NAV3: variants seen among roughly 807,000 people sequenced by gnomAD.
NAV3 encodes the protein neuron navigator 3.
NAV3 carries 87 observed loss-of-function variants against 244.7 expected under a neutral mutation model. The observed-to-expected ratio is 0.36, with a 90% confidence interval of 0.30 to 0.42. NAV3 has a LOEUF of 0.42. NAV3 is among the 20% of genes least tolerant of loss of function. The pLI is 1.00. For missense variants in NAV3, 2,663 were observed against 2,893.3 expected, an observed-to-expected ratio of 0.92 and a Z score of 1.83; for synonymous variants, 1,126 against 1,042.2, an observed-to-expected ratio of 1.08 and a Z score of -1.55.
intron 2 of NAV3, among the ~76,000 whole-genome samples, chr12:77,642,254 C>A (rs185075472): frequency 6.6e-6 from 1 of 152,004 alleles, no homozygotes; most frequent in East Asian, 1.9e-4. Context: ...CTTTGTCTCC[C>A]AAGAGCTCAG....
chr12:77,957,557 G>C (rs1891479443), intron 3 of NAV3, among the ~76,000 whole-genome samples: 1 of 152,132 alleles, frequency 6.6e-6, no homozygotes, highest in Admixed American at 6.5e-5. Context: ...CTAAAAGGCT[G>C]GCTGTAATAA....
rs1208479072 is a variant in NAV3 at position 78,212,783 on chromosome 12, G to A, written c.*2266G>A. On this transcript the variant is annotated 3_prime_UTR_variant, in exon 40 of 40. Coordinates refer to ENST00000397909, the MANE Select transcript of NAV3 (RefSeq NM_001024383.2). Reference sequence around the variant, plus strand: ...TGTACATTTTGATGTAACATATCATGTAAATAGGCAGAAACAGTGAAATAA... The same window carrying A: ...TGTACATTTTGATGTAACATATCATATAAATAGGCAGAAACAGTGAAATAA... 1 of 152,616 alleles carries A rather than the reference G, an allele frequency of 6.6e-6. No homozygotes were observed. Among genetic ancestry groups the A allele is most frequent in the Non-Finnish European group, 1.5e-5 (1 of 68,030 alleles). 9.5% of individuals were successfully genotyped at this position (152,616 alleles called of 1,614,324 possible).
chr12:77,640,742 T>G (rs916547737), intron 2 of NAV3, among the ~76,000 whole-genome samples: 1 of 152,166 alleles, frequency 6.6e-6, no homozygotes, highest in Admixed American at 6.6e-5. Flanking sequence ...ATAGATATGC[T>G]AACTTATTTA....
At chr12:78,190,329 C>G (rs1206233374) in intron 34 of NAV3, 110 bp downstream of exon 34, 3 of 885,566 alleles carry the variant, frequency 3.4e-6, no homozygotes, top group Non-Finnish European at 5.1e-6. Flanking sequence ...AAAGAATATC[C>G]ATCTTTTTTT....
chr12:77,818,224 T>TCA lies in NAV3; in HGVS notation c.73-122092_73-122091dup, dbSNP rs568372420. 7.2e-5 allele frequency among the ~76,000 whole-genome samples: 11 copies of TCA among 152,248 alleles called. No homozygotes were observed. The South Asian group carries it at 2.3e-3, about 32-fold the overall frequency. On this transcript the variant is annotated intron_variant, in intron 2 of 8. Transcript: ENST00000550042. ...TTCCCTAAAGTTATTATCCTATAAATCACAAATATTTTATTTCATAAGAAT... is the reference window on the plus strand; with the variant it reads ...TTCCCTAAAGTTATTATCCTATAAATCACACAAATATTTTATTTCATAAGAAT...
chr12:78,168,133 G>A (rs983537612), intron 23 of NAV3, among the ~76,000 whole-genome samples: 24 of 151,586 alleles, frequency 1.6e-4, no homozygotes, highest in Admixed American at 1.5e-3. Flanking sequence ...TTGGCTTGGT[G>A]AGACTAGGTC....
At chr12:78,081,907 G>A (rs540722223) in intron 12 of NAV3, among the ~76,000 whole-genome samples, 3 of 152,092 alleles carry the variant, frequency 2.0e-5, no homozygotes, top group Non-Finnish European at 4.4e-5. Context: ...TCTTTTCCTG[G>A]ATGTTCTTTC....
At chr12:77,720,234 C>T (rs1348532776) in intron 2 of NAV3, among the ~76,000 whole-genome samples, 1 of 151,594 alleles carries the variant, frequency 6.6e-6, no homozygotes, top group East Asian at 1.9e-4. Flanking sequence ...TTATGTTTTC[C>T]TGTTTCTTTA....
intron 22 of NAV3, among the ~76,000 whole-genome samples, chr12:78,150,242 A>T (rs1957022211): frequency 6.6e-6 from 1 of 152,086 alleles, no homozygotes; most frequent in South Asian, 2.1e-4. Context: ...GGTTGTGTTT[A>T]TCTGCAATAA....
intron 2 of NAV3, among the ~76,000 whole-genome samples, chr12:77,672,672 G>A (rs111471188): frequency 5.9e-4 from 90 of 152,094 alleles, no homozygotes; most frequent in African/African-American, 2.1e-3. Flanking sequence ...GGACTTTGAG[G>A]ACTCAGGGGA....
chr12:77,910,337 T>C lies in NAV3; in HGVS notation c.244-29982T>C. On this transcript the variant is annotated intron_variant, in intron 1 of 39. Transcript: ENST00000397909. Reference sequence around the variant, plus strand: ...AGAGAGAGGGGAGGAGGTGTCAGACTGTTTAAACAACCAATTCTTCCTTGA... The same window carrying C: ...AGAGAGAGGGGAGGAGGTGTCAGACCGTTTAAACAACCAATTCTTCCTTGA... 1.3e-5 allele frequency among the ~76,000 whole-genome samples: 2 copies of C among 151,872 alleles called. 1 individual carries two copies. The highest frequency in any genetic ancestry group is 2.9e-5 in the Non-Finnish European group (2 of 67,958).
intron 5 of NAV3, among the ~76,000 whole-genome samples, chr12:77,976,666 C>CTTTCT (rs1446044531): frequency 0.012 from 685 of 57,984 alleles, 41 homozygotes; most frequent in African/African-American, 0.023. Flanking sequence ...TTCTTTCTTT[C>CTTTCT]TTTTTTTCTT....
At chr12:77,669,999 A>G (rs1300800488) in intron 2 of NAV3, among the ~76,000 whole-genome samples, 2 of 152,138 alleles carry the variant, frequency 1.3e-5, no homozygotes, top group Non-Finnish European at 2.9e-5. Flanking sequence ...CAAAAGATAA[A>G]TGAAACAAAA....
chr12:78,057,293 A>G (rs1056265251), intron 11 of NAV3, among the ~76,000 whole-genome samples: 1 of 152,218 alleles, frequency 6.6e-6, no homozygotes, highest in African/African-American at 2.4e-5. Context: ...CCAAACACAA[A>G]CTAATCTAAG....
intron 2 of NAV3, among the ~76,000 whole-genome samples, chr12:77,580,472 C>T (rs1869312419): frequency 6.6e-6 from 1 of 152,164 alleles, no homozygotes; most frequent in Admixed American, 6.5e-5. Context: ...ATGGATACAA[C>T]ATCAATCACC....
At chr12:77,807,847 A>T (rs539164161) in intron 2 of NAV3, among the ~76,000 whole-genome samples, 1 of 152,184 alleles carries the variant, frequency 6.6e-6, no homozygotes, top group East Asian at 1.9e-4. Flanking sequence ...ACATAGTCCC[A>T]TATTTCTTGG....
intron 23 of NAV3, among the ~76,000 whole-genome samples, chr12:78,160,077 T>C (rs1426782059): frequency 1.3e-5 from 2 of 152,162 alleles, no homozygotes; most frequent in Non-Finnish European, 2.9e-5. Context: ...CTGTGTAATT[T>C]TGAAATAACA....
chr12:77,732,933 G>A (rs1384538165), intron 2 of NAV3, among the ~76,000 whole-genome samples: 1 of 152,010 alleles, frequency 6.6e-6, no homozygotes, highest in Non-Finnish European at 1.5e-5. Context: ...GGGAATTGGT[G>A]GAGGAAGAGT....
intron 9 of NAV3, among the ~76,000 whole-genome samples, chr12:78,026,804 G>T (rs777021357): frequency 6.6e-6 from 1 of 152,068 alleles, no homozygotes; most frequent in East Asian, 1.9e-4. Flanking sequence ...TTCAATAAAC[G>T]CATGTAAAAT....
Sources: allele counts gnomAD v4.1 joint callset (sites outside exome capture counted in the v4.1 genomes callset), GRCh38; gene constraint gnomAD v4.1.1; transcripts MANE v1.5; gene names NCBI Gene and HGNC (gene_info 2026-07-23, HGNC 2026-07-21).